The following CSNK1G1 variants were observed in gnomAD, a reference collection of about 807,000 sequenced individuals.
CSNK1G1 encodes casein kinase I isoform gamma-1.
Under a neutral mutation model 59.6 loss-of-function variants are expected in CSNK1G1, and 22 were observed. That is an observed-to-expected ratio of 0.37 (90% CI 0.26 to 0.53). The LOEUF (loss-of-function observed/expected upper bound fraction) is 0.53, where lower values mean the gene tolerates loss of function less well. CSNK1G1 is among the 20% of genes least tolerant of loss of function. The pLI, the probability that CSNK1G1 is intolerant of heterozygous loss-of-function variation, is 0.89. For missense variants in CSNK1G1, 384 were observed against 519.5 expected (o/e 0.74, Z 2.54); for synonymous variants, 179 against 177.1 (o/e 1.01, Z -0.08).
Position 64,300,391 on chromosome 15 carries a change from C to T in CSNK1G1, c.109G>A (p.Val37Ile), listed in dbSNP as rs1895260540. Residue 37 changes from valine to isoleucine, a missense_variant, in exon 2 of 12, where the codon GTT (valine) becomes ATT (isoleucine). Val to Ile is a conservative substitution (Grantham distance 29). This residue lies in a region of CSNK1G1 where 56 missense variants were observed against 60.8 expected (regional missense o/e 0.92). Transcript: ENST00000303052. ...CTGAAGTTGGGTCCCACCATAAGAA[C>T]CCCAGAGGACGATGAGGAGCCAGAT... is the stretch of plus-strand genomic sequence containing the variant. ...RPSGSSSSSG[V>I]LMVGPNFRVG... The T allele has an allele frequency of 6.2e-7, 1 of 1,614,154 alleles. No homozygotes were observed. The highest frequency in any genetic ancestry group is 8.5e-7 in the Non-Finnish European group (1 of 1,180,018).
intron 4 of CSNK1G1, among the ~76,000 whole-genome samples, chr15:64,238,528 T>A (rs1372182876): frequency 1.0e-4 from 13 of 124,470 alleles, no homozygotes; most frequent in African/African-American, 3.6e-4. Flanking sequence ...AATATATATA[T>A]ATATATATAT....
chr15:64,269,717 C>T (rs992400318), intron 2 of CSNK1G1, among the ~76,000 whole-genome samples: 1 of 152,184 alleles, frequency 6.6e-6, no homozygotes, highest in Non-Finnish European at 1.5e-5. Context: ...TGGTCTTGAA[C>T]TCCTGACCTC....
At chr15:64,352,581 G>T (rs1325543458) in intron 1 of CSNK1G1, among the ~76,000 whole-genome samples, 1 of 148,408 alleles carries the variant, frequency 6.7e-6, no homozygotes, top group Non-Finnish European at 1.5e-5. Flanking sequence ...GAGTAGCTGG[G>T]ATTACAGGCA....
At chr15:64,310,898 G>A (rs573996216) in intron 1 of CSNK1G1, among the ~76,000 whole-genome samples, 2 of 150,628 alleles carry the variant, frequency 1.3e-5, no homozygotes, top group East Asian at 2.0e-4. Flanking sequence ...CCAGCTACTC[G>A]GGAAGCCGAG....
chr15:64,278,673 C>T (rs1458567449), intron 2 of CSNK1G1, among the ~76,000 whole-genome samples: 2 of 152,170 alleles, frequency 1.3e-5, no homozygotes, highest in South Asian at 2.1e-4. Context: ...GTGATCTGCC[C>T]GCCTTGGCCT....
chr15:64,232,622 T>C (rs185047518), intron 4 of CSNK1G1, among the ~76,000 whole-genome samples: 1 of 152,328 alleles, frequency 6.6e-6, no homozygotes, highest in East Asian at 1.9e-4. Context: ...TGACATACTA[T>C]GAGCTAGGAA....
intron 1 of CSNK1G1, among the ~76,000 whole-genome samples, chr15:64,343,208 A>AACACACACACACACAC (rs3057760): frequency 0.024 from 2,685 of 109,998 alleles, 120 homozygotes; most frequent in African/African-American, 0.059. Flanking sequence ...GCAAAACTCC[A>AACACACACACACACAC]ACACACACAC....
rs78327272 is a variant in CSNK1G1, at chr15:64,252,854, T to C, written c.223-1273A>G. ...TGATTATTCTAAACTGACAGTGTACTGGGCAACTGGCTAACAAGAAAACCA... is the reference window on the plus strand; with the variant it reads ...TGATTATTCTAAACTGACAGTGTACCGGGCAACTGGCTAACAAGAAAACCA... On this transcript the variant is annotated intron_variant, in intron 3 of 11. Coordinates refer to ENST00000303052, the MANE Select transcript of CSNK1G1 (RefSeq NM_022048.5). Among the ~76,000 whole-genome samples the C allele has an allele frequency of 3.2e-3, 482 of 152,298 alleles. 1 individual carries two copies. The highest frequency in any genetic ancestry group is 0.011 in the African/African-American group (467 of 41,558).
chr15:64,303,504 C>T (rs1487698488), intron 1 of CSNK1G1, among the ~76,000 whole-genome samples: 1 of 151,686 alleles, frequency 6.6e-6, no homozygotes, highest in Non-Finnish European at 1.5e-5. Context: ...ATAATCCTGG[C>T]ACTTTGGGAG....
rs181336960 is a variant in CSNK1G1, at chr15:64,204,883, G to C, written c.832C>G (p.Leu278Val). 120 of 1,610,442 alleles carry C rather than the reference G, an allele frequency of 7.5e-5. No individual in the cohort carries two copies. The highest frequency in any genetic ancestry group is 9.9e-5 in the Non-Finnish European group (116 of 1,176,752). ...ATCCCACCTGGAAAGTTCTCACAGA[G>C]AGCTTCAATGGGAGTATTCCTTTTG... is the stretch of plus-strand genomic sequence containing the variant. ...DTKRNTPIEA[L>V]CENFPEEMAT... The change falls in exon 8 of 12, where the codon CTC becomes GTC. Residue 278 changes from leucine to valine, a missense_variant. By Grantham distance (32) the Leu-to-Val change is conservative. Coordinates refer to ENST00000303052, the MANE Select transcript of CSNK1G1 (RefSeq NM_022048.5).
chr15:64,289,268 T>C (rs1566935083), intron 2 of CSNK1G1, among the ~76,000 whole-genome samples: 1 of 152,172 alleles, frequency 6.6e-6, no homozygotes, highest in Non-Finnish European at 1.5e-5. Flanking sequence ...AAGATGTCAA[T>C]GCATAATCTT....
intron 10 of CSNK1G1, among the ~76,000 whole-genome samples, chr15:64,186,145 C>T (rs909715701): frequency 1.7e-4 from 26 of 151,994 alleles, no homozygotes; most frequent in African/African-American, 5.1e-4. Context: ...CTTGTTGTGT[C>T]GCCCAGGCTG....
At chr15:64,352,081 T>G (rs561985326) in intron 1 of CSNK1G1, among the ~76,000 whole-genome samples, 86 of 151,760 alleles carry the variant, frequency 5.7e-4, no homozygotes, top group African/African-American at 2.0e-3. Context: ...CCAAGGTGGG[T>G]GGATCACCTG....
intron 3 of CSNK1G1, among the ~76,000 whole-genome samples, chr15:64,252,985 A>G (rs2140320790): frequency 6.6e-6 from 1 of 152,296 alleles, no homozygotes; most frequent in African/African-American, 2.4e-5. Flanking sequence ...AGGCAGGAGG[A>G]TCACTGGAGA....
At chr15:64,313,597 T>C (rs1163776291) in intron 1 of CSNK1G1, among the ~76,000 whole-genome samples, 2 of 151,820 alleles carry the variant, frequency 1.3e-5, no homozygotes, top group African/African-American at 4.8e-5. Context: ...CTGGGGCCTG[T>C]TGGGGGGTGT....
chr15:64,350,124 T>G (rs1898200595), intron 1 of CSNK1G1, among the ~76,000 whole-genome samples: 1 of 152,024 alleles, frequency 6.6e-6, no homozygotes, highest in Non-Finnish European at 1.5e-5. Context: ...TGAATAAAGA[T>G]TTAATCTAAA....
At chr15:64,319,133 C>T (rs1223802481) in intron 1 of CSNK1G1, among the ~76,000 whole-genome samples, 1 of 152,090 alleles carries the variant, frequency 6.6e-6, no homozygotes, top group Non-Finnish European at 1.5e-5. Flanking sequence ...AATTAACAAG[C>T]GTGAGCTACT....
At chr15:64,338,719 A>C (rs868280179) in intron 1 of CSNK1G1, among the ~76,000 whole-genome samples, 39 of 144,684 alleles carry the variant, frequency 2.7e-4, no homozygotes, top group African/African-American at 1.0e-3. Flanking sequence ...AAAAAAAAAA[A>C]AAAAAAAAAC....
chr15:64,351,606 C>T (rs565736867), intron 1 of CSNK1G1, among the ~76,000 whole-genome samples: 1 of 152,294 alleles, frequency 6.6e-6, no homozygotes, highest in East Asian at 1.9e-4. Flanking sequence ...GGGCCAGGCA[C>T]GGTGGCTCAC....
Sources: allele counts gnomAD v4.1 joint callset (sites outside exome capture counted in the v4.1 genomes callset), GRCh38; gene constraint gnomAD v4.1.1; regional missense constraint gnomAD v4.1.1; transcripts MANE v1.5; gene names NCBI Gene and HGNC (gene_info 2026-07-23, HGNC 2026-07-21).